Variants in KATNBL1 observed in about 807,000 individuals in gnomAD.
KATNBL1 encodes the protein KATNB1-like protein 1.
Under a neutral mutation model 44.7 loss-of-function variants are expected in KATNBL1, and 28 were observed. The ratio of observed to expected loss-of-function variants is 0.63; its 90% confidence interval spans 0.46 to 0.86. The LOEUF is 0.86. Ranked by LOEUF, KATNBL1 falls within the 40% of genes least tolerant of loss-of-function variation. The pLI, the probability that KATNBL1 is intolerant of heterozygous loss-of-function variation, is 0.00. For missense variants in KATNBL1, 272 were observed against 350.7 expected, an observed-to-expected ratio of 0.78 and a Z score of 1.79; for synonymous variants, 78 against 114.9, an observed-to-expected ratio of 0.68 and a Z score of 2.06.
intron 1 of KATNBL1, among the ~76,000 whole-genome samples, chr15:34,208,252 ACT>A (rs1390118953): frequency 2.0e-5 from 3 of 151,252 alleles, no homozygotes; most frequent in African/African-American, 7.3e-5. Context: ...TCCCCCTCCC[ACT>A]CTCTTTCTAC....
intron 2 of KATNBL1, among the ~76,000 whole-genome samples, chr15:34,160,985 T>A (rs1888784931): frequency 1.3e-5 from 2 of 152,324 alleles, no homozygotes; most frequent in South Asian, 4.1e-4. Context: ...TCTGGCTGCT[T>A]CCCTAATGGG....
chr15:34,163,424 T>C, intron 2 of KATNBL1, 136 bp downstream of exon 2: 1 of 1,009,970 alleles, frequency 9.9e-7, no homozygotes. Flanking sequence ...ATTGGTTATA[T>C]TTCACCAATT....
chr15:34,173,865 G>A (rs1889246808), intron 1 of KATNBL1, among the ~76,000 whole-genome samples: 2 of 152,160 alleles, frequency 1.3e-5, no homozygotes, highest in South Asian at 4.1e-4. Context: ...CTTCAGGAAT[G>A]AAAAGAAAAC....
At position 34,178,574 on chromosome 15, in the gene KATNBL1, G is replaced by A. The variant is rs570459927; in HGVS notation, c.-14-14884C>T. 5.9e-5 allele frequency among the ~76,000 whole-genome samples: 9 copies of A among 152,044 alleles called. No individual in the cohort carries two copies. In the East Asian group the frequency reaches 7.7e-4, roughly 13 times the overall value. Reference sequence around the variant, plus strand: ...AGATCGAGACCATCCTGGCTAACCCGGTGAAACCCTGTCTCTACTAAAAAT... The same window carrying A: ...AGATCGAGACCATCCTGGCTAACCCAGTGAAACCCTGTCTCTACTAAAAAT... On this transcript the variant is annotated intron_variant, in intron 1 of 9. Transcript: ENST00000256544.
chr15:34,156,985 T>C (rs1888657778), intron 2 of KATNBL1, among the ~76,000 whole-genome samples: 1 of 152,210 alleles, frequency 6.6e-6, no homozygotes, highest in Admixed American at 6.5e-5. Flanking sequence ...TCTCAGTTTA[T>C]ACTGGAATCT....
intron 1 of KATNBL1, among the ~76,000 whole-genome samples, chr15:34,182,710 A>G (rs1889604213): frequency 6.6e-6 from 1 of 152,230 alleles, no homozygotes; most frequent in African/African-American, 2.4e-5. Flanking sequence ...GACAACCTGG[A>G]TAAGTCTCAA....
intron 1 of KATNBL1, among the ~76,000 whole-genome samples, chr15:34,182,504 G>C (rs906602240): frequency 6.6e-6 from 1 of 152,088 alleles, no homozygotes; most frequent in African/African-American, 2.4e-5. Context: ...GGACACTTTT[G>C]AGAGTGAAAG....
At chr15:34,207,873 G>T (rs1353318511) in intron 1 of KATNBL1, among the ~76,000 whole-genome samples, 1 of 152,184 alleles carries the variant, frequency 6.6e-6, no homozygotes, top group Non-Finnish European at 1.5e-5. Context: ...AAAGTGTTGG[G>T]ATTACCAACC....
chr15:34,146,235 CA>C (rs1888307182), intron 8 of KATNBL1: 1 of 152,308 alleles, frequency 6.6e-6, no homozygotes, highest in Non-Finnish European at 1.5e-5. Flanking sequence ...AGGCATCAGC[CA>C]CCGTGCCTGG....
chr15:34,190,037 C>T (rs923151264), intron 1 of KATNBL1, among the ~76,000 whole-genome samples: 3 of 151,898 alleles, frequency 2.0e-5, no homozygotes, highest in South Asian at 2.1e-4. Context: ...CTCCGCCTCC[C>T]GGGTTCATGC....
At chr15:34,203,358 A>G (rs927871651) in intron 1 of KATNBL1, among the ~76,000 whole-genome samples, 17 of 147,538 alleles carry the variant, frequency 1.2e-4, no homozygotes, top group African/African-American at 4.3e-4. Flanking sequence ...CAAACCACCA[A>G]CTCCTTTAGA....
At chr15:34,185,564 T>C (rs1388268466) in intron 1 of KATNBL1, among the ~76,000 whole-genome samples, 1 of 152,176 alleles carries the variant, frequency 6.6e-6, no homozygotes, top group Non-Finnish European at 1.5e-5. Flanking sequence ...TAACCTCCAG[T>C]GAACAATGAA....
chr15:34,194,678 A>G (rs1889984179), intron 1 of KATNBL1, among the ~76,000 whole-genome samples: 1 of 152,210 alleles, frequency 6.6e-6, no homozygotes, highest in Non-Finnish European at 1.5e-5. Flanking sequence ...CAAAGTGAAC[A>G]GACAGTATCT....
At chr15:34,201,300 C>G (rs1890171908) in intron 1 of KATNBL1, among the ~76,000 whole-genome samples, 1 of 152,126 alleles carries the variant, frequency 6.6e-6, no homozygotes, top group South Asian at 2.1e-4. Flanking sequence ...AGTAAGGTAG[C>G]AAAACACTAT....
At chr15:34,193,851 C>CAAAAAAAAAAAAAAA (rs58951561) in intron 1 of KATNBL1, among the ~76,000 whole-genome samples, 10 of 63,560 alleles carry the variant, frequency 1.6e-4, no homozygotes, top group Non-Finnish European at 2.2e-4. Flanking sequence ...GGCCCTGTCT[C>CAAAAAAAAAAAAAAA]AAAAAAAAAA....
At chr15:34,181,203 T>C (rs1889514659) in intron 1 of KATNBL1, among the ~76,000 whole-genome samples, 1 of 152,150 alleles carries the variant, frequency 6.6e-6, no homozygotes, top group African/African-American at 2.4e-5. Flanking sequence ...CGTTAAACTA[T>C]TTCCTGGAAT....
intron 1 of KATNBL1, among the ~76,000 whole-genome samples, chr15:34,188,011 T>C (rs1889762702): frequency 6.6e-6 from 1 of 150,996 alleles, no homozygotes; most frequent in African/African-American, 2.4e-5. Context: ...TGGTAGCAAG[T>C]GCCTGTAATC....
intron 1 of KATNBL1, among the ~76,000 whole-genome samples, chr15:34,180,193 T>G (rs1000390870): frequency 4.6e-5 from 7 of 152,204 alleles, no homozygotes; most frequent in African/African-American, 1.4e-4. Flanking sequence ...CCTGCCAAAT[T>G]TCTACAATGA....
At chr15:34,161,288 C>T (rs897399915) in intron 2 of KATNBL1, among the ~76,000 whole-genome samples, 11 of 152,128 alleles carry the variant, frequency 7.2e-5, no homozygotes, top group African/African-American at 1.2e-4. Context: ...TTTCTTCCTG[C>T]GTTGCTGAGA....
Sources: gnomAD v4.1 joint callset for allele counts (sites outside exome capture counted in the v4.1 genomes callset) on GRCh38, gnomAD v4.1.1 for gene constraint, MANE v1.5 for transcripts, NCBI Gene and HGNC (gene_info 2026-07-23, HGNC 2026-07-21) for gene names.